YIPF6: variants seen among roughly 807,000 people sequenced by gnomAD.
YIPF6 encodes the protein protein YIPF6.
YIPF6 carries 3 observed loss-of-function variants against 16.8 expected under a neutral mutation model. The ratio of observed to expected loss-of-function variants is 0.18; its 90% confidence interval spans 0.08 to 0.46. The LOEUF is 0.46. Ranked by LOEUF, YIPF6 falls within the 20% of genes least tolerant of loss-of-function variation. The pLI, the probability that YIPF6 is intolerant of heterozygous loss-of-function variation, is 0.98. For missense variants in YIPF6, 145 were observed against 184.9 expected, an observed-to-expected ratio of 0.78 and a Z score of 1.25; for synonymous variants, 67 against 61.9, an observed-to-expected ratio of 1.08 and a Z score of -0.38.
Position 68,536,562 on chromosome X carries a change from T to C in YIPF6, c.*4563T>C, listed in dbSNP as rs1394993299. The C allele has an allele frequency of 9.0e-6, 1 of 110,869 alleles. No homozygotes were observed. The highest frequency in any genetic ancestry group is 3.3e-5 in the African/African-American group (1 of 30,449). 9.1% of individuals were successfully genotyped at this position (110,869 alleles called of 1,213,427 possible). A position where few individuals can be genotyped will look rare whatever the true frequency, so the allele number is the denominator to read the frequency against. On this transcript the variant is annotated 3_prime_UTR_variant, in exon 7 of 7. Coordinates refer to ENST00000462683, the MANE Select transcript of YIPF6 (RefSeq NM_173834.4). ...TACCCTAGGTACAAATATAGGTATT[T>C]TCCCTATTGTGTTATGTACCTGAAA...
At chrX:68,529,641 C>T (rs2079163249) in intron 6 of YIPF6, among the ~76,000 whole-genome samples, 1 of 111,459 alleles carries the variant, frequency 9.0e-6, no homozygotes, top group Admixed American at 9.5e-5. Flanking sequence ...ATGTTGGTGA[C>T]CTTCAGATGG....
Position 68,535,875 on chromosome X carries a change from C to G in YIPF6, c.*3876C>G, listed in dbSNP as rs1244456122. On this transcript the variant is annotated 3_prime_UTR_variant, in exon 7 of 7. Transcript: ENST00000462683. ...TCATGGCACACTGTAGCCTCGACCT[C>G]CCTGGGCTCAAGCAATCCTCCCACT... 9.0e-6 allele frequency: 1 copy of G among 111,434 alleles called. No homozygotes were observed. The highest frequency in any genetic ancestry group is 1.9e-5 in the Non-Finnish European group (1 of 53,149). 9.2% of individuals were successfully genotyped at this position (111,434 alleles called of 1,213,427 possible).
chrX:68,499,728 C>G (rs1413950643), intron 1 of YIPF6, among the ~76,000 whole-genome samples: 1 of 112,228 alleles, frequency 8.9e-6, no homozygotes, highest in African/African-American at 3.2e-5. Flanking sequence ...ACCTCTGCCT[C>G]CCAGGCTCAC....
chrX:68,515,002 G>A (rs2079095790), intron 3 of YIPF6: 1 of 111,281 alleles, frequency 9.0e-6, no homozygotes, highest in South Asian at 3.8e-4. Context: ...TAGAGATGGG[G>A]GTCTCCCTAT....
intron 1 of YIPF6, among the ~76,000 whole-genome samples, chrX:68,511,160 C>T (rs2079079473): frequency 9.3e-6 from 1 of 107,322 alleles, no homozygotes; most frequent in Non-Finnish European, 1.9e-5. Context: ...AGTATACTGT[C>T]TTGTGTTTCC....
chrX:68,517,399 G>A (rs1198711686), intron 3 of YIPF6, among the ~76,000 whole-genome samples: 5 of 110,717 alleles, frequency 4.5e-5, no homozygotes, highest in African/African-American at 1.6e-4. Context: ...CGCCCGCCTC[G>A]GCCTCCCAAA....
chrX:68,523,894 ATACT>A (rs1333153468), intron 6 of YIPF6, among the ~76,000 whole-genome samples: 1 of 112,078 alleles, frequency 8.9e-6, no homozygotes, highest in African/African-American at 3.2e-5. Context: ...AAATGTAATT[ATACT>A]TACTTAGTTA....
At chrX:68,531,590 T>C (rs2079171659) in intron 6 of YIPF6, among the ~76,000 whole-genome samples, 1 of 112,391 alleles carries the variant, frequency 8.9e-6, no homozygotes, top group African/African-American at 3.2e-5. Context: ...CACATCTTTG[T>C]AAGCCTTTTC....
rs763750435 is a variant in YIPF6, at chrX:68,522,779, T to G, written c.454T>G (p.Cys152Gly). Reference protein sequence around the residue: ...GGNISFFQSLCVLGYCILPLT... With the variant: ...GGNISFFQSLGVLGYCILPLT... ...TTTAAGATCTTTTTTTCAGAGCCTC[T>G]GTGTGCTGGGTTACTGTATACTTCC... The change falls in exon 6 of 7, where the codon TGT becomes GGT. Residue 152 changes from cysteine to glycine, a missense_variant. Coordinates refer to ENST00000462683, the MANE Select transcript of YIPF6 (RefSeq NM_173834.4). 8.3e-7 allele frequency: 1 copy of G among 1,199,905 alleles called. No individual in the cohort carries two copies. The highest frequency in any genetic ancestry group is 1.1e-6 in the Non-Finnish European group (1 of 892,319).
intron 5 of YIPF6, among the ~76,000 whole-genome samples, chrX:68,522,231 A>C (rs2147824408): frequency 9.0e-6 from 1 of 111,220 alleles, no homozygotes. Context: ...CTGGTGTTAG[A>C]TGATTGACTT....
At chrX:68,522,457 C>T (rs964409272) in intron 5 of YIPF6, among the ~76,000 whole-genome samples, 4 of 109,992 alleles carry the variant, frequency 3.6e-5, no homozygotes, top group East Asian at 2.9e-4. Flanking sequence ...CCACAATGCC[C>T]GGCTAATTTT....
At chrX:68,501,362 G>A (rs182941712) in intron 1 of YIPF6, among the ~76,000 whole-genome samples, 80 of 112,466 alleles carry the variant, frequency 7.1e-4, no homozygotes, top group Admixed American at 1.4e-3. Context: ...AATTGCAAGT[G>A]AGTATAAGAG....
intron 6 of YIPF6, among the ~76,000 whole-genome samples, chrX:68,528,537 G>A (rs1038302375): frequency 6.3e-5 from 7 of 111,484 alleles, no homozygotes; most frequent in African/African-American, 2.3e-4. Flanking sequence ...ATGCTAGCTC[G>A]TTATTTTGCC....
At chrX:68,528,838 G>A (rs559252906) in intron 6 of YIPF6, among the ~76,000 whole-genome samples, 23 of 111,811 alleles carry the variant, frequency 2.1e-4, no homozygotes, top group Admixed American at 9.5e-5. Flanking sequence ...GGTTTCTGCC[G>A]AGAGATCAGC....
At chrX:68,511,409 GT>G (rs1220220572) in intron 1 of YIPF6, among the ~76,000 whole-genome samples, 1 of 112,212 alleles carries the variant, frequency 8.9e-6, no homozygotes, top group Non-Finnish European at 1.9e-5. Flanking sequence ...CTATTTCCCT[GT>G]TTCCCGCACT....
chrX:68,523,946 T>A (rs1176481084), intron 6 of YIPF6, among the ~76,000 whole-genome samples: 1 of 112,040 alleles, frequency 8.9e-6, no homozygotes, highest in East Asian at 2.8e-4. Flanking sequence ...CGAAGTAGAA[T>A]CATAGGAGAG....
Position 68,513,404 on chromosome X carries a change from T to C in YIPF6, c.264T>C (p.Asp88=). 1 of 1,190,278 alleles carries C rather than the reference T, an allele frequency of 8.4e-7. No individual in the cohort carries two copies. The highest frequency in any genetic ancestry group is 1.8e-5 in the South Asian group (1 of 54,643). ...GGAAAAGTAATACTCTTTTGAGAGA[T>C]TGTAAGTATATGAGGTTTTTAAGGG... ...YPRKSNTLLR[D]WDLWGPLILC... is the part of the protein sequence containing the mutation. Residue 88 remains aspartate, a splice_region_variant and synonymous_variant, in exon 3 of 7, where the codon GAT becomes GAC. Coordinates refer to ENST00000462683, the MANE Select transcript of YIPF6 (RefSeq NM_173834.4).
chrX:68,528,492 A>T (rs2079158411), intron 6 of YIPF6, among the ~76,000 whole-genome samples: 2 of 111,614 alleles, frequency 1.8e-5, no homozygotes, highest in African/African-American at 6.5e-5. Flanking sequence ...TTTTAGGTTA[A>T]TATTGTTATG....
chrX:68,506,070 T>C (rs759604095), intron 1 of YIPF6, among the ~76,000 whole-genome samples: 2 of 111,180 alleles, frequency 1.8e-5, no homozygotes, highest in Admixed American at 1.9e-4. Context: ...TCTTTTCTTA[T>C]CTTTCATAAT....
Sources: gnomAD v4.1 joint callset for allele counts (sites outside exome capture counted in the v4.1 genomes callset) on GRCh38, gnomAD v4.1.1 for gene constraint, MANE v1.5 for transcripts, NCBI Gene and HGNC (gene_info 2026-07-23, HGNC 2026-07-21) for gene names.